TAAR5: variants seen among roughly 807,000 people sequenced by gnomAD.
The protein encoded by TAAR5 is trace amine associated receptor 5, also known as trace amine-associated receptor 5.
In TAAR5, 27 loss-of-function variants were observed where a neutral mutation model predicts 21.1. That is an observed-to-expected ratio of 1.28 (90% CI 0.94 to 1.76). TAAR5 has a LOEUF of 1.76. Among genes scored for constraint, TAAR5 ranks in the 40% most tolerant of loss-of-function variants. The pLI is 0.00. For missense variants in TAAR5, 495 were observed against 405.6 expected, an observed-to-expected ratio of 1.22 and a Z score of -1.89; for synonymous variants, 203 against 167.5, an observed-to-expected ratio of 1.21 and a Z score of -1.64.
the TAAR5 span, among the ~76,000 whole-genome samples, chr6:132,608,008 A>G: frequency 1.2e-4 from 19 of 152,190 alleles, no homozygotes; most frequent in African/African-American, 4.3e-4. Context: ...TTTCCCTACC[A>G]GTCAGAGGTG....
chr6:132,614,491 TA>T, the TAAR5 span, among the ~76,000 whole-genome samples: 5 of 148,440 alleles, frequency 3.4e-5, no homozygotes, highest in African/African-American at 5.3e-5. Flanking sequence ...CAACTATCAC[TA>T]TTCAATTATT....
At chr6:132,610,668 C>T in the TAAR5 span, among the ~76,000 whole-genome samples, 5 of 152,158 alleles carry the variant, frequency 3.3e-5, no homozygotes, top group African/African-American at 9.7e-5. Flanking sequence ...GAAGGTGTCT[C>T]CTTGCAAAGT....
the TAAR5 span, chr6:132,595,409 G>A: frequency 0.25 from 37,463 of 151,958 alleles, 5,253 homozygotes; most frequent in Non-Finnish European, 0.33. Flanking sequence ...TGTACTGTTG[G>A]GGGGTTCTGA....
At chr6:132,613,008 C>T in the TAAR5 span, among the ~76,000 whole-genome samples, 37,165 of 152,026 alleles carry the variant, frequency 0.24, 5,517 homozygotes, top group East Asian at 0.59. Flanking sequence ...TGGGATGATT[C>T]TATAAGATGT....
the TAAR5 span, chr6:132,608,523 C>T: frequency 4.4e-6 from 2 of 455,134 alleles, no homozygotes; most frequent in Non-Finnish European, 8.8e-6. Flanking sequence ...TCGCTGCTTT[C>T]CTGTCCTTTT....
chr6:132,612,992 A>G, the TAAR5 span, among the ~76,000 whole-genome samples: 24,248 of 152,158 alleles, frequency 0.16, 2,510 homozygotes, highest in Middle Eastern at 0.3. Context: ...TCCATGTTTT[A>G]AGTATTGGGA....
chr6:132,594,071 T>A (rs1231387706), upstream of TAAR5, among the ~76,000 whole-genome samples: 1 of 152,194 alleles, frequency 6.6e-6, no homozygotes, highest in Non-Finnish European at 1.5e-5. Context: ...GCATCTGATG[T>A]TTTCAAGTTA....
upstream of TAAR5, among the ~76,000 whole-genome samples, chr6:132,593,109 C>T (rs565749824): frequency 6.6e-6 from 1 of 152,264 alleles, no homozygotes; most frequent in South Asian, 2.1e-4. Context: ...TCCACTTCCC[C>T]AGCTTTCCCT....
At chr6:132,594,934 AG>A in the TAAR5 span, 1 of 152,254 alleles carries the variant, frequency 6.6e-6, no homozygotes, top group African/African-American at 2.4e-5. Flanking sequence ...TGAGAATACC[AG>A]GCCAAAGGCA....
At chr6:132,616,330 A>C in the TAAR5 span, among the ~76,000 whole-genome samples, 1 of 152,220 alleles carries the variant, frequency 6.6e-6, no homozygotes, top group African/African-American at 2.4e-5. Context: ...TACATGTATA[A>C]ATATCAAGCA....
chr6:132,588,649 C>T lies in TAAR5; in HGVS notation c.*24G>A, dbSNP rs1472109084. ...TTATCTTTCCTGTGAGGTCCTACTC[C>T]TTGCCTGCATTTAGTAGAAGGAATC... On this transcript the variant is annotated 3_prime_UTR_variant, in exon 1 of 1. Coordinates refer to ENST00000258034, the MANE Select transcript of TAAR5 (RefSeq NM_003967.3). 2.1e-5 allele frequency: 34 copies of T among 1,589,562 alleles called. No homozygotes were observed. Among genetic ancestry groups the T allele is most frequent in the Middle Eastern group, 1.7e-4 (1 of 5,944 alleles).
the TAAR5 span, among the ~76,000 whole-genome samples, chr6:132,611,426 A>G: frequency 6.6e-6 from 1 of 152,146 alleles, no homozygotes; most frequent in African/African-American, 2.4e-5. Flanking sequence ...AAATGACTAA[A>G]AGAGTAGAAT....
the TAAR5 span, among the ~76,000 whole-genome samples, chr6:132,601,460 C>T: frequency 6.6e-6 from 1 of 152,172 alleles, no homozygotes; most frequent in Non-Finnish European, 1.5e-5. Flanking sequence ...CCTTGGTGGG[C>T]AGCAAGAAAT....
At chr6:132,592,859 C>A (rs905719536), upstream of TAAR5, among the ~76,000 whole-genome samples, 1 of 152,160 alleles carries the variant, frequency 6.6e-6, no homozygotes, top group Non-Finnish European at 1.5e-5. Context: ...CTACTCTGCA[C>A]CCGGCTCTTC....
At chr6:132,609,757 C>A in the TAAR5 span, among the ~76,000 whole-genome samples, 1 of 152,146 alleles carries the variant, frequency 6.6e-6, no homozygotes, top group African/African-American at 2.4e-5. Flanking sequence ...TTTAGGCATT[C>A]TTTTGACAAT....
the TAAR5 span, among the ~76,000 whole-genome samples, chr6:132,598,385 C>T: frequency 2.0e-5 from 3 of 152,132 alleles, no homozygotes; most frequent in Admixed American, 6.5e-5. Flanking sequence ...AGAAAATAAA[C>T]CTATCTAATT....
At chr6:132,607,213 A>T in the TAAR5 span, among the ~76,000 whole-genome samples, 1 of 151,976 alleles carries the variant, frequency 6.6e-6, no homozygotes, top group Non-Finnish European at 1.5e-5. Context: ...ACATACAAAA[A>T]ACTTTAAAAT....
chr6:132,604,634 G>A, the TAAR5 span, among the ~76,000 whole-genome samples: 3 of 152,096 alleles, frequency 2.0e-5, no homozygotes, highest in Non-Finnish European at 2.9e-5. Context: ...GGAGAGATTC[G>A]ACGTGCAAGG....
At chr6:132,593,736 A>C (rs886876197), upstream of TAAR5, among the ~76,000 whole-genome samples, 2 of 152,220 alleles carry the variant, frequency 1.3e-5, no homozygotes, top group Non-Finnish European at 2.9e-5. Context: ...TCTAAAGTGT[A>C]TATTGGGAGA....
Sources: allele counts gnomAD v4.1 joint callset (sites outside exome capture counted in the v4.1 genomes callset), GRCh38; gene constraint gnomAD v4.1.1; transcripts MANE v1.5; gene names NCBI Gene and HGNC (gene_info 2026-07-23, HGNC 2026-07-21).